The following RPS6KC1 variants were observed in gnomAD, a reference collection of about 807,000 sequenced individuals.
RPS6KC1 encodes the protein ribosomal protein S6 kinase C1.
Under a neutral mutation model 103.8 loss-of-function variants are expected in RPS6KC1, and 54 were observed. That is an observed-to-expected ratio of 0.52 (90% CI 0.42 to 0.65). The LOEUF is 0.65. RPS6KC1 is among the 30% of genes least tolerant of loss of function. The probability of loss-of-function intolerance (pLI) is 0.00; values close to 1 mark genes in which losing one functional copy is unlikely to be tolerated. For missense variants in RPS6KC1, 1,151 were observed against 1,253.8 expected (o/e 0.92, Z 1.24); for synonymous variants, 439 against 438.7 (o/e 1.00, Z -0.01).
the RPS6KC1 span, among the ~76,000 whole-genome samples, chr1:213,461,984 A>G: frequency 6.6e-6 from 1 of 152,222 alleles, no homozygotes; most frequent in Non-Finnish European, 1.5e-5. Context: ...TGAAGAGGCA[A>G]CCTACAGAAT....
the RPS6KC1 span, among the ~76,000 whole-genome samples, chr1:213,448,006 G>A: frequency 1.3e-5 from 2 of 152,022 alleles, no homozygotes; most frequent in Non-Finnish European, 2.9e-5. Flanking sequence ...TGAGGCAGGA[G>A]GAGGATTGCT....
At chr1:213,127,100 T>C (rs2085071205) in intron 5 of RPS6KC1, among the ~76,000 whole-genome samples, 1 of 152,206 alleles carries the variant, frequency 6.6e-6, no homozygotes, top group East Asian at 1.9e-4. Flanking sequence ...TCTTATTTAA[T>C]GGTATAGATC....
the RPS6KC1 span, among the ~76,000 whole-genome samples, chr1:213,848,335 T>A: frequency 6.6e-6 from 1 of 152,176 alleles, no homozygotes; most frequent in African/African-American, 2.4e-5. Context: ...ACTGATCTGC[T>A]TTTTGCTGTT....
At chr1:213,818,487 G>T in the RPS6KC1 span, 1 of 152,214 alleles carries the variant, frequency 6.6e-6, no homozygotes, top group Non-Finnish European at 1.5e-5. Flanking sequence ...TTAAGCCGAA[G>T]CCTAATCCAA....
chr1:213,276,258 A>G (rs1156493668), downstream of RPS6KC1, among the ~76,000 whole-genome samples: 7 of 152,216 alleles, frequency 4.6e-5, no homozygotes, highest in Non-Finnish European at 7.3e-5. Context: ...GAGCATATTT[A>G]TCGGATTCAC....
chr1:213,773,251 C>CAAACTT, the RPS6KC1 span, among the ~76,000 whole-genome samples: 1 of 151,972 alleles, frequency 6.6e-6, no homozygotes, highest in African/African-American at 2.4e-5. Flanking sequence ...CTGTTGCAGG[C>CAAACTT]CCTTTGGAGC....
intron 8 of RPS6KC1, among the ~76,000 whole-genome samples, chr1:213,200,045 A>G (rs1433432024): frequency 2.6e-5 from 4 of 152,254 alleles, no homozygotes; most frequent in African/African-American, 9.6e-5. Flanking sequence ...CAATATTGTT[A>G]AAATGGCCAT....
At chr1:213,430,974 G>A in the RPS6KC1 span, among the ~76,000 whole-genome samples, 2 of 151,920 alleles carry the variant, frequency 1.3e-5, no homozygotes, top group African/African-American at 4.8e-5. Context: ...CGCGCTTGCC[G>A]TTGTTTCAGT....
the RPS6KC1 span, among the ~76,000 whole-genome samples, chr1:213,564,901 T>A: frequency 1.3e-5 from 2 of 152,262 alleles, no homozygotes; most frequent in Non-Finnish European, 2.9e-5. Context: ...GGACCCTGAC[T>A]GATGAAATAT....
the RPS6KC1 span, among the ~76,000 whole-genome samples, chr1:213,659,940 C>G: frequency 6.6e-6 from 1 of 152,132 alleles, no homozygotes; most frequent in Non-Finnish European, 1.5e-5. Flanking sequence ...TGAACTTATT[C>G]CTTTAAGGTC....
the RPS6KC1 span, among the ~76,000 whole-genome samples, chr1:213,589,018 C>T: frequency 2.0e-4 from 30 of 152,264 alleles, 1 homozygote; most frequent in South Asian, 6.2e-3. Context: ...CTATTTTGGC[C>T]TCTTAGAGCA....
intron 8 of RPS6KC1, among the ~76,000 whole-genome samples, chr1:213,206,034 A>G: frequency 6.6e-6 from 1 of 152,170 alleles, no homozygotes; most frequent in East Asian, 1.9e-4. Context: ...TGAGATGCTC[A>G]ACTTGTATAT....
At chr1:213,242,458 C>A in intron 11 of RPS6KC1, 111 bp from the exon 12 acceptor site, 2 of 1,096,386 alleles carry the variant, frequency 1.8e-6, no homozygotes, top group Non-Finnish European at 2.7e-6. Context: ...CTTAATGATG[C>A]CATTATTCTT....
rs537194037 is a variant in RPS6KC1 at position 213,070,966 on chromosome 1, T to C, written c.106-40T>C. ...TTATACAAATATGAAATCTTAAATT[T>C]TGATAATGATTAGAGATTTCTATGT... On this transcript the variant is annotated intron_variant, in intron 1 of 14. Transcript: ENST00000366960. 5.8e-5 allele frequency: 74 copies of C among 1,269,936 alleles called. No homozygotes were observed. In the South Asian group the frequency reaches 9.7e-4, roughly 17 times the overall value. The allele number at this position is 1,269,936 out of a possible 1,614,324, so 78.7% of individuals were successfully genotyped here.
At chr1:213,189,060 A>G (rs116708057) in intron 8 of RPS6KC1, among the ~76,000 whole-genome samples, 1,667 of 152,314 alleles carry the variant, frequency 0.011, 32 homozygotes, top group African/African-American at 0.038. Flanking sequence ...AAATATGGCT[A>G]ATTGATTTTT....
the RPS6KC1 span, among the ~76,000 whole-genome samples, chr1:213,724,578 G>A: frequency 6.6e-6 from 1 of 152,242 alleles, no homozygotes; most frequent in South Asian, 2.1e-4. Flanking sequence ...CTAGGAGATG[G>A]GCACACAGTT....
chr1:213,284,669 A>G, the RPS6KC1 span, among the ~76,000 whole-genome samples: 19 of 152,192 alleles, frequency 1.2e-4, no homozygotes, highest in Non-Finnish European at 2.5e-4. Flanking sequence ...TTAGTAGATC[A>G]CAAAGAAAAC....
chr1:213,836,502 C>A, the RPS6KC1 span, among the ~76,000 whole-genome samples: 2 of 152,068 alleles, frequency 1.3e-5, no homozygotes, highest in Non-Finnish European at 2.9e-5. Context: ...TCTTCCCACT[C>A]TTCTCAGTCT....
the RPS6KC1 span, among the ~76,000 whole-genome samples, chr1:213,481,985 T>C: frequency 2.0e-5 from 3 of 152,206 alleles, no homozygotes; most frequent in East Asian, 5.8e-4. Context: ...TAAAAGTATG[T>C]GCACCTCCTT....
Sources: allele counts gnomAD v4.1 joint callset (sites outside exome capture counted in the v4.1 genomes callset), GRCh38; gene constraint gnomAD v4.1.1; transcripts MANE v1.5; gene names NCBI Gene and HGNC (gene_info 2026-07-23, HGNC 2026-07-21).